The following ARAP2 variants were observed in gnomAD, a reference collection of about 807,000 sequenced individuals.
The protein encoded by ARAP2 is arf-GAP with Rho-GAP domain, ANK repeat and PH domain-containing protein 2.
ARAP2 carries 148 observed loss-of-function variants against 194.5 expected under a neutral mutation model. The ratio of observed to expected loss-of-function variants is 0.76; its 90% CI spans 0.67 to 0.87. The LOEUF is 0.87. Among genes scored for constraint, ARAP2 ranks in the 40% least tolerant of loss-of-function variants. The probability of loss-of-function intolerance (pLI) is 0.00; values close to 1 mark genes in which losing one functional copy is unlikely to be tolerated. For synonymous variants in ARAP2, 695 were observed against 683.5 expected (o/e 1.02, Z -0.26); for missense variants, 2,128 against 1,989.7 (o/e 1.07, Z -1.32).
chr4:36,164,188 C>A (rs1290396814), intron 11 of ARAP2, among the ~76,000 whole-genome samples: 1 of 152,126 alleles, frequency 6.6e-6, no homozygotes, highest in Non-Finnish European at 1.5e-5. Flanking sequence ...TCTCTCTCAT[C>A]TGTGTTTGTG....
intron 26 of ARAP2, among the ~76,000 whole-genome samples, chr4:36,111,938 C>A (rs920739542): frequency 6.6e-6 from 1 of 152,076 alleles, no homozygotes; most frequent in African/African-American, 2.4e-5. Context: ...TACTCCTAAA[C>A]CCACAATTCA....
rs34235282 is a variant in ARAP2 at position 36,205,601 on chromosome 4, GA to G, written c.1487+4788del. On this transcript the variant is annotated intron_variant, in intron 6 of 32. Transcript: ENST00000303965. ...GTCCTCTGCAATAAAATGGTGTCCT[GA>G]AAAAAAAAAAAAAGAAAATCGAGGT... Among the ~76,000 whole-genome samples, 1,416 of 148,202 alleles carry G rather than the reference GA, an allele frequency of 9.6e-3. 29 individuals carry two copies. The highest frequency in any genetic ancestry group is 0.03 in the Admixed American group (453 of 14,936).
downstream of ARAP2, chr4:36,065,277 C>T: frequency 4.5e-6 from 2 of 445,972 alleles, no homozygotes; most frequent in Non-Finnish European, 9.3e-6. Flanking sequence ...TGAGGGCCAA[C>T]ACCATGTCAC....
chr4:36,116,729 T>A (rs1721424632), intron 25 of ARAP2, among the ~76,000 whole-genome samples: 1 of 151,794 alleles, frequency 6.6e-6, no homozygotes, highest in South Asian at 2.1e-4. Context: ...TGATTTTTCC[T>A]AATTTTACAG....
chr4:36,147,336 C>A lies in ARAP2; in HGVS notation c.3223G>T (p.Gly1075Trp), dbSNP rs1412538137. The stretch of plus-strand genomic sequence containing the variant: ...AAGAGTAAAACATCCAGTTTTTCCC[C>A]ATTTTGAACCATTGTGCTGATTGCT... ...ELTISTMVQN[G>W]EKLDVLLLVE... Residue 1075 changes from glycine (G) to tryptophan (W), a missense_variant, in exon 19 of 33, where the codon GGG becomes TGG. By Grantham distance (184) the Gly-to-Trp change is radical (BLOSUM62 -2). Transcript: ENST00000303965. 2 of 1,612,934 alleles carry A rather than the reference C, an allele frequency of 1.2e-6. No individual in the cohort carries two copies. Among genetic ancestry groups the A allele is most frequent in the Non-Finnish European group, 1.7e-6 (2 of 1,179,264 alleles).
intron 16 of ARAP2, among the ~76,000 whole-genome samples, chr4:36,149,314 G>C (rs1179340047): frequency 1.4e-5 from 1 of 73,724 alleles, no homozygotes; most frequent in Non-Finnish European, 3.8e-5. Context: ...CTCTTGTCCA[G>C]TCAGTCATTT....
chr4:36,047,605 CATTTTCCCCATTTGGCATAACTGA>C (rs1170910729), intron 3 of ARAP2, among the ~76,000 whole-genome samples: 1 of 152,162 alleles, frequency 6.6e-6, no homozygotes, highest in Admixed American at 6.5e-5. Context: ...CCTCAATATT[CATTTTCCCCATTTGGCATAACTGA>C]ATTCAACTTA....
In ARAP2 at chr4:36,159,357, T is replaced by A. The variant is rs769917803; in HGVS notation, c.2591A>T (p.Glu864Val). ...AKKAGQSLQMEFLYHNKFSDF... is the reference protein window; with the variant it reads ...AKKAGQSLQMVFLYHNKFSDF... ...TGAGAATTTGTTATGGTAGAGAAAT[T>A]CCATTTGCAGACTTTGCCCAGCTTT... Residue 864 changes from glutamate to valine, a missense_variant, in exon 14 of 33, where the codon GAA becomes GTA. Physicochemically the swap from Glu to Val is moderately radical, Grantham distance 121 (BLOSUM62 -2). Transcript: ENST00000303965. 1 of 1,607,022 alleles carries A rather than the reference T, an allele frequency of 6.2e-7. No homozygotes were observed. Among genetic ancestry groups the A allele is most frequent in the South Asian group, 1.1e-5 (1 of 90,164 alleles).
intron 7 of ARAP2, among the ~76,000 whole-genome samples, chr4:36,189,622 A>C (rs1741408479): frequency 6.6e-6 from 1 of 152,006 alleles, no homozygotes; most frequent in South Asian, 2.1e-4. Context: ...GGTAAGATTC[A>C]CTTTGAAAAA....
intron 31 of ARAP2, among the ~76,000 whole-genome samples, chr4:36,078,730 T>G (rs186667473): frequency 8.9e-4 from 136 of 152,310 alleles, no homozygotes; most frequent in Non-Finnish European, 1.6e-3. Context: ...ATTCATTGTT[T>G]AAATTTCAAC....
intron 27 of ARAP2, among the ~76,000 whole-genome samples, chr4:36,104,925 C>A (rs1242833622): frequency 6.6e-6 from 1 of 151,872 alleles, no homozygotes; most frequent in Non-Finnish European, 1.5e-5. Context: ...GGTACAATAA[C>A]AAGATGCATA....
At chr4:36,078,904 TG>T (rs34097131) in intron 31 of ARAP2, among the ~76,000 whole-genome samples, 18,860 of 152,130 alleles carry the variant, frequency 0.12, 1,274 homozygotes, top group Middle Eastern at 0.2. Context: ...CCTAGCACAG[TG>T]GCTCATGCCT....
At chr4:36,227,521 C>T (rs1056223859) in intron 2 of ARAP2, among the ~76,000 whole-genome samples, 4 of 152,118 alleles carry the variant, frequency 2.6e-5, no homozygotes, top group Non-Finnish European at 4.4e-5. Context: ...CACTAAATTG[C>T]CACCTTTTAT....
At chr4:36,017,512 A>G (rs1407328793) in intron 6 of ARAP2, among the ~76,000 whole-genome samples, 1 of 135,672 alleles carries the variant, frequency 7.4e-6, no homozygotes, top group Non-Finnish European at 1.5e-5. Context: ...AATGGTGATC[A>G]GAGACTGTGC....
Position 36,121,314 on chromosome 4 carries a change from G to A in ARAP2, c.3759C>T (p.Cys1253=). 1 of 1,596,144 alleles carries A rather than the reference G, an allele frequency of 6.3e-7. No individual in the cohort carries two copies. The highest frequency in any genetic ancestry group is 8.5e-7 in the Non-Finnish European group (1 of 1,170,134). Residue 1253 remains cysteine, a synonymous_variant, in exon 23 of 33, where the codon TGC becomes TGT. Transcript: ENST00000303965. Reference sequence around the variant, plus strand: ...GGGCATTCATGTGATTGATTTCTGAGCATTTCTGAACCCTGTCAGAGAAAA... The same window carrying A: ...GGGCATTCATGTGATTGATTTCTGAACATTTCTGAACCCTGTCAGAGAAAA... ...IIEHLYRVQK[C]SEINHMNAHN...
chr4:36,126,183 T>A (rs1414695315), intron 21 of ARAP2, among the ~76,000 whole-genome samples: 6 of 152,058 alleles, frequency 3.9e-5, no homozygotes, highest in Admixed American at 3.3e-4. Context: ...TCAAAGACAT[T>A]ACTGGAAATT....
Position 36,164,969 on chromosome 4 carries a change from TG to T in ARAP2, c.2117del (p.Pro706GlnfsTer25). On this transcript the variant is annotated frameshift_variant, in exon 11 of 33. Coordinates refer to ENST00000303965, the MANE Select transcript of ARAP2 (RefSeq NM_015230.4). LOFTEE classifies it high-confidence loss of function. Reference sequence around the variant, plus strand: ...GATTGATGGATGCCCAGTCAGGATCTGGGGCTTTACAATCTGCACAGCTCCT... The same window carrying T: ...GATTGATGGATGCCCAGTCAGGATCTGGGCTTTACAATCTGCACAGCTCCT... ...SNRSCADCKAPDPDWASINLC... is the reference protein window; with the variant it reads ...SNRSCADCKAXDPDWASINLC... 1 of 1,614,136 alleles carries T rather than the reference TG, an allele frequency of 6.2e-7. No homozygotes were observed. The highest frequency in any genetic ancestry group is 8.5e-7 in the Non-Finnish European group (1 of 1,179,948).
chr4:36,089,584 C>A lies in ARAP2; in HGVS notation c.4425+2297G>T, dbSNP rs372192671. ...TGTGGGAGTTCTAATTACTCTACAT[C>A]ATTTTTTAACATTGGGTGTTATCAC... is the stretch of plus-strand genomic sequence containing the variant. On this transcript the variant is annotated intron_variant, in intron 28 of 32. Coordinates refer to ENST00000303965, the MANE Select transcript of ARAP2 (RefSeq NM_015230.4). Among the ~76,000 whole-genome samples, 5 of 152,198 alleles carry A rather than the reference C, an allele frequency of 3.3e-5. 1 individual carries two copies. Among genetic ancestry groups the A allele is most frequent in the African/African-American group, 1.2e-4 (5 of 41,562 alleles).
intron 15 of ARAP2, among the ~76,000 whole-genome samples, chr4:36,156,388 A>T (rs1326996603): frequency 1.5e-4 from 1 of 6,580 alleles, no homozygotes; most frequent in Admixed American, 1.2e-3. Flanking sequence ...AAAGAGAGAG[A>T]GAGAAAGAAA....
Sources: gnomAD v4.1 joint callset for allele counts (sites outside exome capture counted in the v4.1 genomes callset) on GRCh38, gnomAD v4.1.1 for gene constraint, MANE v1.5 for transcripts, NCBI Gene and HGNC (gene_info 2026-07-23, HGNC 2026-07-21) for gene names.